ALS2: variants seen among roughly 807,000 people sequenced by gnomAD.
The protein encoded by ALS2 is alsin.
Under a neutral mutation model 203.4 loss-of-function variants are expected in ALS2, and 117 were observed. The observed-to-expected ratio is 0.58, with a 90% CI of 0.50 to 0.67. The LOEUF (loss-of-function observed/expected upper bound fraction) is 0.67, where lower values mean the gene tolerates loss of function less well. ALS2 is among the 30% of genes least tolerant of loss of function. The pLI is 0.00. For missense variants in ALS2, 1,715 were observed against 1,989.4 expected, an observed-to-expected ratio of 0.86 and a Z score of 2.62; for synonymous variants, 718 against 725.9, an observed-to-expected ratio of 0.99 and a Z score of 0.17.
intron 23 of ALS2, chr2:201,722,532 T>G (rs558675627): frequency 6.5e-6 from 1 of 153,436 alleles, no homozygotes; most frequent in South Asian, 2.0e-4. Flanking sequence ...GAAACTGCAT[T>G]CAAAAGTTTA....
chr2:201,735,927 T>A (rs1469470030), intron 12 of ALS2, among the ~76,000 whole-genome samples: 2 of 152,212 alleles, frequency 1.3e-5, no homozygotes, highest in Non-Finnish European at 2.9e-5. Context: ...TTTGCAAAAA[T>A]AACTATTGAA....
intron 8 of ALS2, among the ~76,000 whole-genome samples, chr2:201,747,191 T>C (rs967271394): frequency 6.6e-6 from 1 of 152,218 alleles, no homozygotes; most frequent in Non-Finnish European, 1.5e-5. Context: ...AATTCTATTC[T>C]GGCCAACTAA....
Position 201,744,423 on chromosome 2 carries a change from A to C in ALS2, c.2005T>G (p.Tyr669Asp). 1 of 1,613,994 alleles carries C rather than the reference A, an allele frequency of 6.2e-7. No individual in the cohort carries two copies. Among genetic ancestry groups the C allele is most frequent in the South Asian group, 1.1e-5 (1 of 91,086 alleles). The change falls in exon 10 of 34, where the codon TAT becomes GAT. Residue 669 changes from tyrosine to aspartate, a missense_variant. By Grantham distance (160) the Tyr-to-Asp change is radical. Transcript: ENST00000264276. The stretch of plus-strand genomic sequence containing the variant: ...TTTCCTGCTGTCACTCTGCTTATAT[A>C]TCCAAGCTGAAACAGAAGAAAACAA... Reference protein sequence around the residue: ...PVLLSCSKLGYISRVTAGKDS... With the variant: ...PVLLSCSKLGDISRVTAGKDS...
intron 21 of ALS2, among the ~76,000 whole-genome samples, chr2:201,723,865 C>A (rs1319333199): frequency 6.6e-6 from 1 of 152,072 alleles, no homozygotes; most frequent in Admixed American, 6.5e-5. Context: ...GCCTATAATC[C>A]CAGCACTTTG....
chr2:201,772,278 T>TAACAAC (rs3057124), intron 1 of ALS2, among the ~76,000 whole-genome samples: 136 of 151,082 alleles, frequency 9.0e-4, no homozygotes, highest in South Asian at 2.7e-3. Flanking sequence ...GAAGTGCCCT[T>TAACAAC]AACAACAACA....
rs1689390691 is a variant in ALS2, at chr2:201,701,561, T to G, written c.*290A>C. 1 of 322,082 alleles carries G rather than the reference T, an allele frequency of 3.1e-6. No homozygotes were observed. Among genetic ancestry groups the G allele is most frequent in the South Asian group, 5.7e-5 (1 of 17,482 alleles). The allele number at this position is 322,082 out of a possible 1,614,324, so 20.0% of individuals were successfully genotyped here. ...ACATACCCTTTACTGTAGGAAGGGA[T>G]ATCCTCTTCTTTTTTCAAATAGTAG... On this transcript the variant is annotated 3_prime_UTR_variant, in exon 34 of 34. Transcript: ENST00000264276.
At chr2:201,744,849 A>G (rs891033246) in intron 9 of ALS2, among the ~76,000 whole-genome samples, 6 of 152,238 alleles carry the variant, frequency 3.9e-5, no homozygotes, top group African/African-American at 1.4e-4. Context: ...CGAGTAAAAT[A>G]AGATTAATGA....
intron 1 of ALS2, among the ~76,000 whole-genome samples, chr2:201,771,758 A>G (rs1694392306): frequency 6.6e-6 from 1 of 152,204 alleles, no homozygotes; most frequent in African/African-American, 2.4e-5. Context: ...AAAATTGCCT[A>G]ATCATAAAAC....
At chr2:201,760,281 A>G in intron 4 of ALS2, 1 of 940,486 alleles carries the variant, frequency 1.1e-6, no homozygotes, top group South Asian at 4.9e-5. Context: ...ACTGCACTCC[A>G]GCCTGGGTGA....
At chr2:201,703,846 A>C (rs2105962518) in intron 33 of ALS2, among the ~76,000 whole-genome samples, 1 of 152,296 alleles carries the variant, frequency 6.6e-6, no homozygotes, top group South Asian at 2.1e-4. Context: ...TTAGAATTAC[A>C]ATTATTTATA....
Position 201,748,049 on chromosome 2 carries a change from A to AACAC in ALS2, c.1816-1305_1816-1302dup, listed in dbSNP as rs58974856. 1.8e-3 allele frequency among the ~76,000 whole-genome samples: 267 copies of AACAC among 151,400 alleles called. 1 individual carries two copies. The highest frequency in any genetic ancestry group is 5.7e-3 in the African/African-American group (235 of 41,280). On this transcript the variant is annotated intron_variant, in intron 8 of 33. Coordinates refer to ENST00000264276, the MANE Select transcript of ALS2 (RefSeq NM_020919.4). ...AGCTTCAGCTCCTAGACTGATAGGC[A>AACAC]ACACACACACACACACAAATACACT...
At chr2:201,768,182 C>A (rs1270977683) in intron 2 of ALS2, among the ~76,000 whole-genome samples, 2 of 152,104 alleles carry the variant, frequency 1.3e-5, no homozygotes, top group Non-Finnish European at 2.9e-5. Flanking sequence ...TTTTAGGAAT[C>A]AAGTTTATAA....
chr2:201,752,747 C>T (rs537056558), intron 7 of ALS2, among the ~76,000 whole-genome samples: 1 of 152,264 alleles, frequency 6.6e-6, no homozygotes, highest in South Asian at 2.1e-4. Context: ...AGGTCACTTT[C>T]AGGTCCCACA....
At chr2:201,771,977 T>C (rs971285568) in intron 1 of ALS2, among the ~76,000 whole-genome samples, 3 of 152,322 alleles carry the variant, frequency 2.0e-5, no homozygotes, top group African/African-American at 7.2e-5. Flanking sequence ...TCTCCACAGA[T>C]AAATGGCATC....
At chr2:201,742,349 G>C (rs534867988) in intron 10 of ALS2, among the ~76,000 whole-genome samples, 1 of 152,318 alleles carries the variant, frequency 6.6e-6, no homozygotes, top group African/African-American at 2.4e-5. Flanking sequence ...ACCCTTCAGT[G>C]CAGAGAAGGC....
chr2:201,705,156 T>C lies in ALS2; in HGVS notation c.4671A>G (p.Glu1557=), dbSNP rs1227353152. 3 of 1,614,002 alleles carry C rather than the reference T, an allele frequency of 1.9e-6. No individual in the cohort carries two copies. The highest frequency in any genetic ancestry group is 2.5e-6 in the Non-Finnish European group (3 of 1,180,004). Reference sequence around the variant, plus strand: ...GAGATTACCTGATCTGCTGCAGACATTCTACTGCTGAGGCAAAACAAGCAT... The same window carrying C: ...GAGATTACCTGATCTGCTGCAGACACTCTACTGCTGAGGCAAAACAAGCAT... ...TKDACFASAV[E]CLQQISTTFT... Residue 1557 remains glutamate (E), a synonymous_variant, in exon 31 of 34, where the codon GAA becomes GAG. Transcript: ENST00000264276.
intron 25 of ALS2, among the ~76,000 whole-genome samples, chr2:201,714,125 AAATG>A (rs1690218778): frequency 1.3e-5 from 2 of 152,196 alleles, no homozygotes; most frequent in African/African-American, 4.8e-5. Context: ...CTATTTATAA[AAATG>A]AAATAAAATA....
chr2:201,764,705 T>G (rs181539892), intron 3 of ALS2, among the ~76,000 whole-genome samples: 20 of 151,998 alleles, frequency 1.3e-4, no homozygotes, highest in East Asian at 3.9e-4. Flanking sequence ...ATGAGGTATC[T>G]TCATTGAATT....
chr2:201,748,049 AAC>A (rs58974856), intron 8 of ALS2, among the ~76,000 whole-genome samples: 4 of 151,316 alleles, frequency 2.6e-5, no homozygotes, highest in Admixed American at 6.6e-5. Context: ...ACTGATAGGC[AAC>A]ACACACACAC....
Sources: allele counts gnomAD v4.1 joint callset (sites outside exome capture counted in the v4.1 genomes callset), GRCh38; gene constraint gnomAD v4.1.1; transcripts MANE v1.5; gene names NCBI Gene and HGNC (gene_info 2026-07-23, HGNC 2026-07-21).